SEMA3F: variants seen among roughly 807,000 people sequenced by gnomAD.
The protein encoded by SEMA3F is semaphorin 3F, also known as semaphorin-3F.
Under a neutral mutation model 98.5 loss-of-function variants are expected in SEMA3F, and 30 were observed. The ratio of observed to expected loss-of-function variants is 0.30; its 90% confidence interval spans 0.23 to 0.41. The LOEUF is 0.41. Ranked by LOEUF, SEMA3F falls within the 10% of genes least tolerant of loss-of-function variation. The pLI is 1.00. For synonymous variants in SEMA3F, 380 were observed against 444.8 expected, an observed-to-expected ratio of 0.85 and a Z score of 1.83; for missense variants, 866 against 1,119.3, an observed-to-expected ratio of 0.77 and a Z score of 3.23.
In SEMA3F at chr3:50,173,958, G is replaced by A. The variant is rs1175251104; in HGVS notation, c.273+5G>A. On this transcript the variant is annotated splice_donor_5th_base_variant and intron_variant, in intron 3 of 18. Transcript: ENST00000002829. ...ATCAACCGCGAGCCCCTCATTGTAAGGGCTGGCCCTGATGTGGGACGTGGG... is the reference window on the plus strand; with the variant it reads ...ATCAACCGCGAGCCCCTCATTGTAAAGGCTGGCCCTGATGTGGGACGTGGG... 1 of 1,613,986 alleles carries A rather than the reference G, an allele frequency of 6.2e-7. No homozygotes were observed. Among genetic ancestry groups the A allele is most frequent in the Non-Finnish European group, 8.5e-7 (1 of 1,180,020 alleles).
Position 50,187,691 on chromosome 3 carries a change from C to T in SEMA3F, c.1948-14C>T, listed in dbSNP as rs1373454618. ...GTCACAGAGCCTCTGAACCCCCTCT[C>T]CTTGCCCCTGCAGATTCGTGCAGAG... On this transcript the variant is annotated splice_polypyrimidine_tract_variant and intron_variant, in intron 18 of 18. Coordinates refer to ENST00000002829, the MANE Select transcript of SEMA3F (RefSeq NM_004186.5). 1.9e-6 allele frequency: 3 copies of T among 1,565,500 alleles called. No homozygotes were observed. Among genetic ancestry groups the T allele is most frequent in the Non-Finnish European group, 1.7e-6 (2 of 1,149,788 alleles).
intron 2 of SEMA3F, among the ~76,000 whole-genome samples, chr3:50,161,897 G>A (rs35124980): frequency 0.052 from 7,953 of 152,288 alleles, 274 homozygotes; most frequent in South Asian, 0.076. Flanking sequence ...AGGAGCAGGC[G>A]CCCACCAAGT....
intron 12 of SEMA3F, 111 bp downstream of exon 12, chr3:50,183,675 G>T: frequency 8.3e-7 from 1 of 1,200,634 alleles, no homozygotes; most frequent in Non-Finnish European, 1.2e-6. Flanking sequence ...GCCAGCGGAG[G>T]CGGTGAGCTG....
Position 50,173,783 on chromosome 3 carries a change from C to G in SEMA3F, c.113-10C>G, listed in dbSNP as rs755092522. On this transcript the variant is annotated splice_polypyrimidine_tract_variant and intron_variant, in intron 2 of 18. Coordinates refer to ENST00000002829, the MANE Select transcript of SEMA3F (RefSeq NM_004186.5). ...AAGGTCCTAATTGGTGCCCTGCCCTCCACCCACAGAGCTGAAGGCCACAGG... is the reference window on the plus strand; with the variant it reads ...AAGGTCCTAATTGGTGCCCTGCCCTGCACCCACAGAGCTGAAGGCCACAGG... 3.1e-6 allele frequency: 5 copies of G among 1,613,014 alleles called. No individual in the cohort carries two copies. In the African/African-American group the frequency reaches 4.0e-5, roughly 13 times the overall value.
chr3:50,187,385 T>G (rs2109127841), intron 18 of SEMA3F, among the ~76,000 whole-genome samples: 1 of 140,332 alleles, frequency 7.1e-6, no homozygotes, highest in African/African-American at 2.7e-5. Context: ...ATCATTCAAC[T>G]GCATTCTAGC....
chr3:50,186,966 A>G (rs1242922442), intron 18 of SEMA3F, among the ~76,000 whole-genome samples: 2 of 152,174 alleles, frequency 1.3e-5, no homozygotes, highest in Non-Finnish European at 2.9e-5. Context: ...TCACATGAAA[A>G]TTCCATATGC....
In SEMA3F at chr3:50,182,546, G is replaced by A; in HGVS notation, c.764-98G>A. ...GGGGTAGTTTCTTATCTGGAGAGGA[G>A]TTGGGGGTGTTCTTGCACCTGGCTG... On this transcript the variant is annotated intron_variant, in intron 8 of 18. Transcript: ENST00000002829. This position sits in a 1 kb window ranked among gnomAD's most constrained non-coding sequence, Gnocchi z 4.5. 1 of 1,576,716 alleles carries A rather than the reference G, an allele frequency of 6.3e-7. No homozygotes were observed.
chr3:50,163,959 AC>A (rs1394634422), intron 2 of SEMA3F, among the ~76,000 whole-genome samples: 1 of 152,086 alleles, frequency 6.6e-6, no homozygotes, highest in East Asian at 1.9e-4. Flanking sequence ...GAGCTGCCTT[AC>A]TCCTGAGAGA....
rs572315346 is a variant in SEMA3F at position 50,187,482 on chromosome 3, A to G, written c.1948-223A>G. ...GTGTGCTTCAAATTTTCCTCATTGT[A>G]CAGAACCTCCTTATGGTCATCACTC... is the stretch of plus-strand genomic sequence containing the variant. On this transcript the variant is annotated intron_variant, in intron 18 of 18. Transcript: ENST00000002829. Among the ~76,000 whole-genome samples, 10 of 151,624 alleles carry G rather than the reference A, an allele frequency of 6.6e-5. No individual in the cohort carries two copies. In the South Asian group the frequency reaches 2.1e-3, roughly 32 times the overall value.
chr3:50,172,515 G>T (rs1698655504), intron 2 of SEMA3F, among the ~76,000 whole-genome samples: 1 of 152,136 alleles, frequency 6.6e-6, no homozygotes, highest in African/African-American at 2.4e-5. Flanking sequence ...GCATCCTGGA[G>T]TTGGAGGGGC....
At chr3:50,174,168 A>C (rs1368160265) in intron 4 of SEMA3F, 54 bp downstream of exon 4, 7 of 1,613,364 alleles carry the variant, frequency 4.3e-6, no homozygotes, top group Non-Finnish European at 5.9e-6. Flanking sequence ...GTGGGAAGGT[A>C]CTGCCCCCAG....
rs758149796 is a variant in SEMA3F at position 50,185,734 on chromosome 3, G to A, written c.1587+27G>A. 4 of 1,613,928 alleles carry A rather than the reference G, an allele frequency of 2.5e-6. No homozygotes were observed. In the Admixed American group the frequency reaches 5.0e-5, roughly 20 times the overall value. The stretch of plus-strand genomic sequence containing the variant: ...TAAGCCTTTGGCGAGGTGAGCCAAG[G>A]TTGGGGACAGGGCCTGCATCCCCTC... On this transcript the variant is annotated intron_variant, in intron 15 of 18. Coordinates refer to ENST00000002829, the MANE Select transcript of SEMA3F (RefSeq NM_004186.5).
intron 2 of SEMA3F, among the ~76,000 whole-genome samples, chr3:50,171,938 G>A (rs958629955): frequency 1.3e-5 from 2 of 152,218 alleles, no homozygotes; most frequent in Non-Finnish European, 2.9e-5. Context: ...GGCCAGGCAG[G>A]GCAAGACCTT....
chr3:50,171,748 G>A (rs560641467), intron 2 of SEMA3F, among the ~76,000 whole-genome samples: 5 of 152,204 alleles, frequency 3.3e-5, no homozygotes, highest in African/African-American at 1.2e-4. Flanking sequence ...GACTCCGAGT[G>A]GCCCAACAAC....
intron 7 of SEMA3F, among the ~76,000 whole-genome samples, chr3:50,180,710 A>C (rs1268199167): frequency 4.6e-5 from 7 of 152,238 alleles, no homozygotes; most frequent in Non-Finnish European, 7.3e-5. Flanking sequence ...TAATTGCAAT[A>C]GTAACATCAA....
At chr3:50,175,242 T>G in intron 6 of SEMA3F, 54 bp downstream of exon 6, 1 of 1,303,276 alleles carries the variant, frequency 7.7e-7, no homozygotes, top group Non-Finnish European at 1.1e-6. Context: ...TGAGCGGAAC[T>G]CACCCTGGGC....
In SEMA3F at chr3:50,186,544, C is replaced by G; in HGVS notation, c.1814-69C>G. 1 of 1,544,634 alleles carries G rather than the reference C, an allele frequency of 6.5e-7. No individual in the cohort carries two copies. The highest frequency in any genetic ancestry group is 8.8e-7 in the Non-Finnish European group (1 of 1,136,522). ...TTGGTGAGTGGGTGCCCCTCGGTGCCTGCCCCGAAGCAGTCAGCAGGCTGC... is the reference window on the plus strand; with the variant it reads ...TTGGTGAGTGGGTGCCCCTCGGTGCGTGCCCCGAAGCAGTCAGCAGGCTGC... On this transcript the variant is annotated intron_variant, in intron 17 of 18. Coordinates refer to ENST00000002829, the MANE Select transcript of SEMA3F (RefSeq NM_004186.5).
rs1353374396 is a variant in SEMA3F, at chr3:50,173,852, C to T, written c.172C>T (p.Arg58Ter). 6.2e-7 allele frequency: 1 copy of T among 1,613,998 alleles called. No homozygotes were observed. Among genetic ancestry groups the T allele is most frequent in the Non-Finnish European group, 8.5e-7 (1 of 1,180,034 alleles). Reference sequence around the variant, plus strand: ...CTTCCTGCTCAACACAACCGACTACCGAATCTTGCTCAAGGACGAGGACCA... The same window carrying T: ...CTTCCTGCTCAACACAACCGACTACTGAATCTTGCTCAAGGACGAGGACCA... ...FNFLLNTTDY[R>*]ILLKDEDHDR... Residue 58 changes from arginine (R) to a stop codon, truncating the protein, a stop_gained, in exon 3 of 19, where the codon CGA becomes TGA. Transcript: ENST00000002829. LOFTEE classifies it high-confidence loss of function.
At chr3:50,171,163 A>C (rs988722936) in intron 2 of SEMA3F, among the ~76,000 whole-genome samples, 1 of 152,142 alleles carries the variant, frequency 6.6e-6, no homozygotes, top group Non-Finnish European at 1.5e-5. Flanking sequence ...ACCTCCACCC[A>C]GGGGCAGACT....
Sources: allele counts gnomAD v4.1 joint callset (sites outside exome capture counted in the v4.1 genomes callset), GRCh38; gene constraint gnomAD v4.1.1; non-coding constraint Gnocchi (gnomAD v3.1); transcripts MANE v1.5; gene names NCBI Gene and HGNC (gene_info 2026-07-23, HGNC 2026-07-21).